ELOVL7: variants seen among roughly 807,000 people sequenced by gnomAD.
ELOVL7 encodes the protein ELOVL fatty acid elongase 7, also known as very long chain fatty acid elongase 7.
ELOVL7 carries 27 observed loss-of-function variants against 35.7 expected under a neutral mutation model. The observed-to-expected ratio is 0.76, with a 90% CI of 0.56 to 1.04. The LOEUF is 1.04. ELOVL7 is among the 50% of genes least tolerant of loss of function. The pLI is 0.00. For synonymous variants in ELOVL7, 113 were observed against 114.6 expected (o/e 0.99, Z 0.09); for missense variants, 327 against 340.8 (o/e 0.96, Z 0.32).
chr5:60,811,438 T>C (rs892853795), intron 1 of ELOVL7, among the ~76,000 whole-genome samples: 3 of 152,112 alleles, frequency 2.0e-5, no homozygotes, highest in Admixed American at 6.6e-5. Context: ...TCCCACTACA[T>C]TTTGTTAGAC....
chr5:60,843,813 C>T (rs2112427033), intron 1 of ELOVL7, among the ~76,000 whole-genome samples: 1 of 152,198 alleles, frequency 6.6e-6, no homozygotes, highest in African/African-American at 2.4e-5. Flanking sequence ...CTCCGCAGCG[C>T]GCCCACCGGG....
intron 1 of ELOVL7, among the ~76,000 whole-genome samples, chr5:60,826,980 C>T (rs929628423): frequency 6.6e-6 from 1 of 152,078 alleles, no homozygotes; most frequent in African/African-American, 2.4e-5. Flanking sequence ...ATTAAGGTGT[C>T]TCAATTCTCT....
intron 3 of ELOVL7, among the ~76,000 whole-genome samples, chr5:60,785,529 T>A (rs1342691120): frequency 1.3e-5 from 2 of 152,228 alleles, no homozygotes; most frequent in East Asian, 3.8e-4. Flanking sequence ...AGATCTGTTC[T>A]TCCAAATAAC....
At chr5:60,837,346 T>G (rs1746887974) in intron 1 of ELOVL7, among the ~76,000 whole-genome samples, 1 of 138,640 alleles carries the variant, frequency 7.2e-6, no homozygotes, top group Non-Finnish European at 1.6e-5. Flanking sequence ...GGGTGGCGCT[T>G]GTCAGGAGGC....
chr5:60,831,899 C>A (rs1274932697), intron 1 of ELOVL7, among the ~76,000 whole-genome samples: 3 of 152,174 alleles, frequency 2.0e-5, no homozygotes, highest in Non-Finnish European at 4.4e-5. Flanking sequence ...CCTAGATTTT[C>A]CCCTTCTATG....
At chr5:60,796,371 C>T (rs574612878) in intron 2 of ELOVL7, among the ~76,000 whole-genome samples, 16 of 152,292 alleles carry the variant, frequency 1.1e-4, no homozygotes, top group African/African-American at 3.6e-4. Flanking sequence ...TTCTCAACCT[C>T]GACAGTATTG....
At chr5:60,799,449 GA>G (rs1272679796) in intron 1 of ELOVL7, among the ~76,000 whole-genome samples, 1 of 151,132 alleles carries the variant, frequency 6.6e-6, no homozygotes, top group African/African-American at 2.4e-5. Flanking sequence ...CTGCACGAAG[GA>G]AAAAAAAGAG....
chr5:60,842,525 G>T (rs1747237780), intron 1 of ELOVL7, among the ~76,000 whole-genome samples: 1 of 149,772 alleles, frequency 6.7e-6, no homozygotes, highest in Non-Finnish European at 1.5e-5. Context: ...GGCAGGGGGA[G>T]GGTGTGGGGA....
chr5:60,832,005 T>G (rs1379727810), intron 1 of ELOVL7, among the ~76,000 whole-genome samples: 2 of 152,226 alleles, frequency 1.3e-5, no homozygotes, highest in African/African-American at 4.8e-5. Context: ...ATCTGCAATA[T>G]TACTATTTCA....
chr5:60,842,647 G>A (rs1747245314), intron 1 of ELOVL7, among the ~76,000 whole-genome samples: 1 of 152,100 alleles, frequency 6.6e-6, no homozygotes, highest in Non-Finnish European at 1.5e-5. Flanking sequence ...ACGAGCAAAC[G>A]AACTCTAGGT....
At chr5:60,833,901 T>C (rs1299851368) in intron 1 of ELOVL7, among the ~76,000 whole-genome samples, 5 of 152,204 alleles carry the variant, frequency 3.3e-5, no homozygotes, top group Non-Finnish European at 1.5e-5. Flanking sequence ...TTTCTCATTT[T>C]ATAAGTTTGG....
intron 3 of ELOVL7, among the ~76,000 whole-genome samples, chr5:60,777,816 G>A (rs935377002): frequency 6.6e-6 from 1 of 152,206 alleles, no homozygotes; most frequent in African/African-American, 2.4e-5. Context: ...CCAGGGAAGA[G>A]TGGATTTTCG....
At chr5:60,791,330 TACAG>T (rs1287968793) in intron 2 of ELOVL7, among the ~76,000 whole-genome samples, 1 of 151,960 alleles carries the variant, frequency 6.6e-6, no homozygotes, top group East Asian at 1.9e-4. Context: ...TATGGGTACA[TACAG>T]ACATAAAGAT....
intron 2 of ELOVL7, among the ~76,000 whole-genome samples, chr5:60,788,942 G>GA (rs1453312411): frequency 6.6e-6 from 1 of 152,074 alleles, no homozygotes; most frequent in East Asian, 1.9e-4. Context: ...ATTGGGCACT[G>GA]AATTACCAGA....
intron 2 of ELOVL7, among the ~76,000 whole-genome samples, chr5:60,797,087 T>C (rs1744307198): frequency 6.6e-6 from 1 of 152,220 alleles, no homozygotes; most frequent in Admixed American, 6.5e-5. Flanking sequence ...TTGTCACTTA[T>C]TATAACTCCA....
At chr5:60,801,506 A>AG (rs201481732) in intron 1 of ELOVL7, among the ~76,000 whole-genome samples, 1,998 of 152,152 alleles carry the variant, frequency 0.013, 22 homozygotes, top group Non-Finnish European at 0.022. Context: ...GTTGAAGACC[A>AG]GCATGGGCAA....
chr5:60,778,504 G>C (rs1579813805), intron 3 of ELOVL7, among the ~76,000 whole-genome samples: 1 of 152,164 alleles, frequency 6.6e-6, no homozygotes, highest in African/African-American at 2.4e-5. Flanking sequence ...TCATGAAGTG[G>C]CAGGAGAGAG....
chr5:60,823,103 T>C (rs1440796475), intron 1 of ELOVL7, among the ~76,000 whole-genome samples: 1 of 151,900 alleles, frequency 6.6e-6, no homozygotes, highest in Middle Eastern at 3.2e-3. Context: ...CTTAAGGTGA[T>C]AACTGTTGGA....
chr5:60,760,996 T>A (rs1323011970), intron 7 of ELOVL7, among the ~76,000 whole-genome samples: 18 of 152,052 alleles, frequency 1.2e-4, no homozygotes, highest in Admixed American at 1.2e-3. Context: ...GTAACATGTT[T>A]ACTTTCTCTA....
Sources: gnomAD v4.1 joint callset for allele counts (sites outside exome capture counted in the v4.1 genomes callset) on GRCh38, gnomAD v4.1.1 for gene constraint, MANE v1.5 for transcripts, NCBI Gene and HGNC (gene_info 2026-07-23, HGNC 2026-07-21) for gene names.